The following BRD4 variants were observed in gnomAD, a reference collection of about 807,000 sequenced individuals.
BRD4 encodes bromodomain-containing protein 4.
In BRD4, 16 loss-of-function variants were observed where a neutral mutation model predicts 142.1. That is an observed-to-expected ratio of 0.11 (90% CI 0.08 to 0.17). The LOEUF (loss-of-function observed/expected upper bound fraction) is 0.17, where lower values mean the gene tolerates loss of function less well. BRD4 is among the 10% of genes least tolerant of loss of function. BRD4 has a pLI of 1.00. For synonymous variants in BRD4, 833 were observed against 707.5 expected (o/e 1.18, Z -2.82); for missense variants, 1,424 against 1,810.9 (o/e 0.79, Z 3.88).
At chr19:15,322,574 C>T (rs1284062730) in intron 1 of BRD4, among the ~76,000 whole-genome samples, 16 of 149,930 alleles carry the variant, frequency 1.1e-4, no homozygotes, top group Non-Finnish European at 8.9e-5. Context: ...AAAAATTAGC[C>T]AGGCGTGGTG....
intron 11 of BRD4, chr19:15,248,851 A>T (rs1014961132): frequency 3.2e-6 from 1 of 310,952 alleles, no homozygotes; most frequent in African/African-American, 2.1e-5. Flanking sequence ...TTCAGGAGGG[A>T]AGTAGTTAGG....
chr19:15,269,118 C>T, intron 2 of BRD4, 76 bp from the exon 3 acceptor site: 1 of 1,554,272 alleles, frequency 6.4e-7, no homozygotes, highest in South Asian at 1.2e-5. Flanking sequence ...CCAGGCTGGC[C>T]TGGGGACCTC....
At chr19:15,328,886 G>C (rs557359979) in intron 1 of BRD4, among the ~76,000 whole-genome samples, 117 of 152,328 alleles carry the variant, frequency 7.7e-4, no homozygotes, top group African/African-American at 2.8e-3. Context: ...CGATTCTCCT[G>C]CCTCAGCCTC....
intron 1 of BRD4, among the ~76,000 whole-genome samples, chr19:15,323,332 T>C (rs1417191364): frequency 1.3e-5 from 2 of 152,058 alleles, no homozygotes; most frequent in African/African-American, 2.4e-5. Context: ...CACAGGCAGA[T>C]GTCCCCTGCT....
chr19:15,316,610 A>C (rs2048020594), intron 1 of BRD4, among the ~76,000 whole-genome samples: 1 of 152,196 alleles, frequency 6.6e-6, no homozygotes, highest in African/African-American at 2.4e-5. Context: ...AGAAAAAGAA[A>C]AAGAAAAAAT....
At position 15,239,873 on chromosome 19, in the gene BRD4, C is replaced by T; in HGVS notation, c.3282+37G>A. The T allele has an allele frequency of 1.2e-6, 2 of 1,614,042 alleles. No homozygotes were observed. The highest frequency in any genetic ancestry group is 1.7e-6 in the Non-Finnish European group (2 of 1,180,022). On this transcript the variant is annotated intron_variant, in intron 15 of 19. Transcript: ENST00000679869. This position sits in a 1 kb window ranked among gnomAD's most constrained non-coding sequence, Gnocchi z 7.4. Reference sequence around the variant, plus strand: ...GTGAGGTGGGCAGGCACCCCCGGCCCTAGCCCACAGGACTATGGCCCAGCC... The same window carrying T: ...GTGAGGTGGGCAGGCACCCCCGGCCTTAGCCCACAGGACTATGGCCCAGCC...
At chr19:15,313,396 C>T (rs1387761380) in intron 1 of BRD4, among the ~76,000 whole-genome samples, 2 of 130,954 alleles carry the variant, frequency 1.5e-5, no homozygotes, top group East Asian at 2.3e-4. Flanking sequence ...AAAAAAAGGC[C>T]GAGCGGTGGC....
Position 15,264,660 on chromosome 19 carries a change from C to G in BRD4, c.956G>C (p.Gly319Ala). The G allele has an allele frequency of 1.2e-6, 2 of 1,613,706 alleles. No homozygotes were observed. Among genetic ancestry groups the G allele is most frequent in the East Asian group, 4.5e-5 (2 of 44,878 alleles). ...LPPEPKTTKL[G>A]QRRESSRPVK... ...AGGCCGGCTGCTCTCCCGCCGCTGG[C>G]CCAGCTTGGTGGTCTTGGGCTCCGG... Residue 319 changes from glycine (G) to alanine (A), a missense_variant, in exon 6 of 20, where the codon GGC becomes GCC. By Grantham distance (60) the Gly-to-Ala change is moderately conservative. Transcript: ENST00000679869.
chr19:15,312,310 C>A (rs567813060), intron 1 of BRD4, among the ~76,000 whole-genome samples: 1 of 152,256 alleles, frequency 6.6e-6, no homozygotes, highest in East Asian at 1.9e-4. Context: ...CCAGCCTGGG[C>A]AATGTGGTGA....
chr19:15,239,196 G>A lies in BRD4; in HGVS notation c.3645C>T (p.Ser1215=), dbSNP rs1311088573. The A allele has an allele frequency of 1.9e-6, 3 of 1,613,208 alleles. No homozygotes were observed. The part of the protein sequence containing the change: ...LVQKHPTTPS[S]TAKSSSDSFE... ...AGCTGTCGCTGGATGACTTGGCTGT[G>A]GAGGAGGGGGTGGTCGGATGCTTCT... is the stretch of plus-strand genomic sequence containing the variant. The change falls in exon 18 of 20, where the codon TCC becomes TCT. Residue 1215 remains serine (S), a synonymous_variant. Transcript: ENST00000679869. The surrounding 1 kb of genome is among the most constrained non-coding windows in gnomAD (Gnocchi z 7.4).
intron 14 of BRD4, among the ~76,000 whole-genome samples, chr19:15,241,346 G>A (rs576223914): frequency 1.2e-4 from 18 of 152,336 alleles, no homozygotes; most frequent in African/African-American, 4.3e-4. Context: ...TAGGCTCCAG[G>A]GGCTGTGGTT....
chr19:15,268,155 T>TA (rs1330270014), intron 3 of BRD4: 1 of 152,588 alleles, frequency 6.6e-6, no homozygotes, highest in African/African-American at 2.4e-5. Flanking sequence ...GAAACTCACC[T>TA]ACCCATCTCT....
intron 1 of BRD4, among the ~76,000 whole-genome samples, chr19:15,302,382 G>A (rs2047876390): frequency 6.6e-6 from 1 of 152,144 alleles, no homozygotes; most frequent in Admixed American, 6.6e-5. Context: ...GGGACTCTGA[G>A]TAACAGATGT....
At chr19:15,285,618 T>G (rs2047734218) in intron 1 of BRD4, among the ~76,000 whole-genome samples, 1 of 152,040 alleles carries the variant, frequency 6.6e-6, no homozygotes, top group Non-Finnish European at 1.5e-5. Context: ...CACACATAAA[T>G]AAAGCCTTAG....
intron 11 of BRD4, among the ~76,000 whole-genome samples, chr19:15,252,353 T>C (rs1297791223): frequency 2.0e-5 from 3 of 152,224 alleles, no homozygotes; most frequent in Admixed American, 2.0e-4. Flanking sequence ...CATCTGGGGT[T>C]TCCACTTGGT....
At chr19:15,242,105 C>A (rs1038308381) in intron 14 of BRD4, among the ~76,000 whole-genome samples, 1 of 152,164 alleles carries the variant, frequency 6.6e-6, no homozygotes, top group Non-Finnish European at 1.5e-5. Flanking sequence ...TGAGCCACCG[C>A]GCCCGGCCTG....
intron 1 of BRD4, among the ~76,000 whole-genome samples, chr19:15,295,493 T>C (rs1387651487): frequency 6.6e-6 from 1 of 152,198 alleles, no homozygotes; most frequent in Non-Finnish European, 1.5e-5. Context: ...TGGCCAGAAT[T>C]TGCCTTATCA....
chr19:15,239,498 A>T lies in BRD4; in HGVS notation c.3470T>A (p.Val1157Asp), dbSNP rs531631922. 1.1e-5 allele frequency: 17 copies of T among 1,613,684 alleles called. No homozygotes were observed. The South Asian group carries it at 1.9e-4, about 18-fold the overall frequency. Residue 1157 changes from valine to aspartate, a missense_variant, in exon 17 of 20, where the codon GTC becomes GAC. Val to Asp is a radical substitution (Grantham distance 152). Transcript: ENST00000679869. This position sits in a 1 kb window ranked among gnomAD's most constrained non-coding sequence, Gnocchi z 7.4. ...TGGGGGCCGGATCACAGGCCTCCCG[A>T]CATCCACAGGCTTCATTTCCGGCCC... ...PQRPEMKPVD[V>D]GRPVIRPPEQ... is the part of the protein sequence containing the mutation.
intron 11 of BRD4, among the ~76,000 whole-genome samples, chr19:15,252,302 G>A (rs1599445300): frequency 2.0e-5 from 3 of 152,200 alleles, no homozygotes; most frequent in Non-Finnish European, 2.9e-5. Context: ...CCACGACCAC[G>A]TCATGTCATT....
Sources: allele counts gnomAD v4.1 joint callset (sites outside exome capture counted in the v4.1 genomes callset), GRCh38; gene constraint gnomAD v4.1.1; non-coding constraint Gnocchi (gnomAD v3.1); transcripts MANE v1.5; gene names NCBI Gene and HGNC (gene_info 2026-07-23, HGNC 2026-07-21).